The following COL1A2 variants were observed in gnomAD, a reference collection of about 807,000 sequenced individuals.
The protein encoded by COL1A2 is collagen alpha-2(I) chain.
A neutral mutation model predicts 174.3 loss-of-function variants in COL1A2; 49 were observed. The ratio of observed to expected loss-of-function variants is 0.28; its 90% CI spans 0.22 to 0.36. The LOEUF is 0.36. COL1A2 is among the 10% of genes least tolerant of loss of function. The pLI is 1.00. For missense variants in COL1A2, 1,438 were observed against 1,822.7 expected (o/e 0.79, Z 3.84); for synonymous variants, 655 against 606.6 (o/e 1.08, Z -1.17).
intron 31 of COL1A2, chr7:94,417,421 T>C (rs1584324329): frequency 5.0e-6 from 2 of 399,802 alleles, no homozygotes; most frequent in East Asian, 5.4e-5. Context: ...AAACATTTTT[T>C]ACTCTCTGCT....
intron 31 of COL1A2, chr7:94,416,744 G>A: frequency 1.9e-6 from 1 of 530,160 alleles, no homozygotes; most frequent in Non-Finnish European, 3.4e-6. Context: ...AATTAGTATG[G>A]GTTGTCACTC....
intron 34 of COL1A2, among the ~76,000 whole-genome samples, chr7:94,419,884 C>CA (rs1263974558): frequency 6.6e-6 from 1 of 152,144 alleles, no homozygotes; most frequent in Non-Finnish European, 1.5e-5. Context: ...ATAGTGTGCC[C>CA]ATTTCACATT....
intron 30 of COL1A2, among the ~76,000 whole-genome samples, chr7:94,415,701 C>T (rs1792026503): frequency 6.6e-6 from 1 of 152,086 alleles, no homozygotes; most frequent in African/African-American, 2.4e-5. Flanking sequence ...GTATTAGCAT[C>T]ACTGAAATGA....
intron 29 of COL1A2, among the ~76,000 whole-genome samples, chr7:94,414,482 AACATC>A: frequency 6.6e-6 from 1 of 152,356 alleles, no homozygotes; most frequent in East Asian, 1.9e-4. Context: ...GATTTAATGA[AACATC>A]ACCTTATGAA....
chr7:94,428,422 G>C lies in COL1A2; in HGVS notation c.3656G>C (p.Ser1219Thr). The C allele has an allele frequency of 6.2e-7, 1 of 1,614,136 alleles. No homozygotes were observed. ...ATCCCAGCCAAGAACTGGTATAGGAGCTCCAAGGACAAGAAACACGTCTGG... is the reference window on the plus strand; with the variant it reads ...ATCCCAGCCAAGAACTGGTATAGGACCTCCAAGGACAAGAAACACGTCTGG... Reference protein sequence around the residue: ...ENIPAKNWYRSSKDKKHVWLG... With the variant: ...ENIPAKNWYRTSKDKKHVWLG... Residue 1219 changes from serine to threonine, a missense_variant, in exon 50 of 52, where the codon AGC becomes ACC. By Grantham distance (58) the Ser-to-Thr change is moderately conservative. This residue lies in a region of COL1A2 where 290 missense variants were observed against 298.1 expected (regional missense o/e 0.97). Transcript: ENST00000297268.
At position 94,409,755 on chromosome 7, in the gene COL1A2, C is replaced by A; in HGVS notation, c.969C>A (p.Leu323=). The A allele has an allele frequency of 6.2e-7, 1 of 1,614,126 alleles. No homozygotes were observed. The highest frequency in any genetic ancestry group is 8.5e-7 in the Non-Finnish European group (1 of 1,180,010). Residue 323 remains leucine, a synonymous_variant, in exon 19 of 52, where the codon CTC becomes CTA. Transcript: ENST00000297268. The stretch of plus-strand genomic sequence containing the variant: ...CCGGCGTTGCTGGGGCTCCCGGCCT[C>A]CCTGGACCCCGCGGTATTCCTGGCC... ...GLPGVAGAPG[L]PGPRGIPGPV... is the part of the protein sequence containing the mutation.
intron 4 of COL1A2, 134 bp downstream of exon 4, chr7:94,399,218 C>A: frequency 5.3e-6 from 4 of 756,312 alleles, no homozygotes; most frequent in Non-Finnish European, 9.0e-6. Flanking sequence ...AGGTAATGCA[C>A]TGCAGAAGAA....
intron 12 of COL1A2, among the ~76,000 whole-genome samples, chr7:94,406,675 A>C (rs1469836236): frequency 6.6e-6 from 1 of 152,164 alleles, no homozygotes; most frequent in Non-Finnish European, 1.5e-5. Context: ...CTCCTTTGCC[A>C]CACACTAATT....
chr7:94,428,221 C>T, intron 49 of COL1A2, 72 bp from the exon 50 acceptor site: 1 of 1,247,438 alleles, frequency 8.0e-7, no homozygotes. Context: ...CAGTATCTTT[C>T]ATTAGTTATT....
rs774631731 is a variant in COL1A2, at chr7:94,423,058, T to A, written c.2505T>A (p.Gly835=). ...CAGTTGGCCGAACTGGAGAAGTAGG[T>A]GCAGTTGGTCCCCCTGGCTTCGCTG... ...QGPVGRTGEV[G]AVGPPGFAGE... Residue 835 remains glycine, a synonymous_variant, in exon 40 of 52, where the codon GGT becomes GGA. Transcript: ENST00000297268. 5.6e-6 allele frequency: 9 copies of A among 1,614,048 alleles called. No individual in the cohort carries two copies.
intron 29 of COL1A2, 136 bp from the exon 30 acceptor site, chr7:94,415,090 T>A: frequency 1.3e-6 from 1 of 768,290 alleles, no homozygotes; most frequent in Non-Finnish European, 2.4e-6. Flanking sequence ...TTGTTCTTAT[T>A]AGCCTGTGTA....
intron 1 of COL1A2, among the ~76,000 whole-genome samples, chr7:94,396,522 T>A (rs1791588022): frequency 6.6e-6 from 1 of 152,142 alleles, no homozygotes; most frequent in South Asian, 2.1e-4. Context: ...TTAGGGAAAT[T>A]TGAAGGTACA....
intron 5 of COL1A2, among the ~76,000 whole-genome samples, chr7:94,401,257 C>G (rs905373989): frequency 1.3e-5 from 2 of 152,022 alleles, no homozygotes; most frequent in African/African-American, 2.4e-5. Flanking sequence ...GAAAGCTTCC[C>G]TTCCTCAGAG....
At chr7:94,398,990 G>A (rs1436953555) in intron 3 of COL1A2, 59 bp from the exon 4 acceptor site, 2 of 1,505,898 alleles carry the variant, frequency 1.3e-6, no homozygotes, top group Admixed American at 1.7e-5. Context: ...TGATTTGTTT[G>A]TTCACTGGAA....
At position 94,426,526 on chromosome 7, in the gene COL1A2, T is replaced by C. The variant is rs774684878; in HGVS notation, c.3101T>C (p.Ile1034Thr). Residue 1034 changes from isoleucine (I) to threonine (T), a missense_variant, in exon 46 of 52, where the codon ATC becomes ACC. Transcript: ENST00000297268. Reference protein sequence around the residue: ...GHNGLQGLPGIAGHHGDQGAP... With the variant: ...GHNGLQGLPGTAGHHGDQGAP... The stretch of plus-strand genomic sequence containing the variant: ...AATGGATTGCAAGGTCTGCCTGGTA[T>C]CGCTGTAAGTAAACTGTAGCCATCT... 1.3e-6 allele frequency: 2 copies of C among 1,597,252 alleles called. No homozygotes were observed. The highest frequency in any genetic ancestry group is 1.7e-6 in the Non-Finnish European group (2 of 1,171,718).
chr7:94,418,366 G>C, intron 32 of COL1A2, 133 bp from the exon 33 acceptor site: 1 of 715,066 alleles, frequency 1.4e-6, no homozygotes, highest in Middle Eastern at 2.9e-4. Flanking sequence ...GTAAGGAATC[G>C]AGACATTGCT....
chr7:94,398,306 A>T, intron 2 of COL1A2, 76 bp from the exon 3 acceptor site: 3 of 497,852 alleles, frequency 6.0e-6, no homozygotes, highest in Non-Finnish European at 6.7e-6. Flanking sequence ...TTTGTATACT[A>T]CACCAAAATG....
Position 94,421,942 on chromosome 7 carries a change from C to T in COL1A2, c.2393C>T (p.Pro798Leu), listed in dbSNP as rs750639532. 9 of 1,614,050 alleles carry T rather than the reference C, an allele frequency of 5.6e-6. No homozygotes were observed. The highest frequency in any genetic ancestry group is 4.2e-6 in the Non-Finnish European group (5 of 1,179,958). Residue 798 changes from proline (P) to leucine (L), a missense_variant, in exon 39 of 52, where the codon CCA becomes CTA. By Grantham distance (98) the Pro-to-Leu change is moderately conservative. This residue lies in a region of COL1A2 where 867 missense variants were observed against 1,213.7 expected (regional missense o/e 0.71). Transcript: ENST00000297268. The part of the protein sequence containing the change: ...FPGAAGRTGP[P>L]GPSGISGPPG... ...GGTGCTGCTGGACGGACTGGTCCCC[C>T]AGGACCCTCTGTAAGTAAATCACTG...
chr7:94,395,682 T>A (rs889876871), intron 1 of COL1A2: 40 of 180,330 alleles, frequency 2.2e-4, no homozygotes, highest in Non-Finnish European at 4.5e-4. Context: ...GCAGATGGAA[T>A]CCCAATTAAA....
Sources: gnomAD v4.1 joint callset for allele counts (sites outside exome capture counted in the v4.1 genomes callset) on GRCh38, gnomAD v4.1.1 for gene constraint, gnomAD v4.1.1 regional missense constraint, MANE v1.5 for transcripts, NCBI Gene and HGNC (gene_info 2026-07-23, HGNC 2026-07-21) for gene names.